Variants in PRDM15 observed in about 807,000 individuals in gnomAD.
PRDM15 encodes PR/SET domain 15.
PRDM15 carries 64 observed loss-of-function variants against 128.6 expected under a neutral mutation model. The ratio of observed to expected loss-of-function variants is 0.50; its 90% CI spans 0.41 to 0.61. The LOEUF is 0.61. Among genes scored for constraint, PRDM15 ranks in the 20% least tolerant of loss-of-function variants. PRDM15 has a pLI of 0.00. For missense variants in PRDM15, 1,242 were observed against 1,569.1 expected (o/e 0.79, Z 3.52); for synonymous variants, 615 against 621.8 (o/e 0.99, Z 0.16).
intron 22 of PRDM15, among the ~76,000 whole-genome samples, chr21:41,804,050 C>T (rs1050944637): frequency 2.0e-5 from 3 of 151,318 alleles, no homozygotes; most frequent in African/African-American, 7.3e-5. Context: ...TTGCAACCTC[C>T]GCCCCTGGGT....
chr21:41,819,883 T>A, intron 17 of PRDM15, 182 bp from the exon 18 acceptor site: 1 of 824,606 alleles, frequency 1.2e-6, no homozygotes. Context: ...CTCCAGTAGA[T>A]CCCTGAGGAC....
At position 41,836,253 on chromosome 21, in the gene PRDM15, T is replaced by C. The variant is rs753022896; in HGVS notation, c.1184-46A>G. On this transcript the variant is annotated intron_variant, in intron 9 of 23. Coordinates refer to ENST00000398548, the MANE Select transcript of PRDM15 (RefSeq NM_001040424.3). ...GAGCTCATTCACTACTTAGAGCATT[T>C]ACCGAGAGAAGCATGCCCACCGGGG... 4 of 1,548,134 alleles carry C rather than the reference T, an allele frequency of 2.6e-6. No individual in the cohort carries two copies. The South Asian group carries it at 4.5e-5, about 17-fold the overall frequency.
At chr21:41,827,288 T>C (rs561165832) in intron 12 of PRDM15, among the ~76,000 whole-genome samples, 3 of 152,326 alleles carry the variant, frequency 2.0e-5, no homozygotes, top group African/African-American at 7.2e-5. Flanking sequence ...AATTCCAGCC[T>C]TGTTTTTTTA....
intron 19 of PRDM15, among the ~76,000 whole-genome samples, chr21:41,815,222 T>C (rs2062010032): frequency 6.6e-6 from 1 of 152,226 alleles, no homozygotes; most frequent in Admixed American, 6.5e-5. Context: ...CCGACTCCTT[T>C]CTATGCACAT....
chr21:41,829,066 TACACACACCAC>T (rs2062584402), intron 11 of PRDM15, among the ~76,000 whole-genome samples: 1 of 103,400 alleles, frequency 9.7e-6, no homozygotes, highest in South Asian at 3.4e-4. Flanking sequence ...ACACACACCA[TACACACACCAC>T]ACACACACGC....
At chr21:41,847,760 A>C (rs1413837957) in intron 5 of PRDM15, among the ~76,000 whole-genome samples, 1 of 152,176 alleles carries the variant, frequency 6.6e-6, no homozygotes, top group East Asian at 1.9e-4. Flanking sequence ...TAAGTGTTTA[A>C]TTTTACTAAG....
chr21:41,858,560 G>A (rs548134793), intron 3 of PRDM15, among the ~76,000 whole-genome samples: 163 of 150,758 alleles, frequency 1.1e-3, no homozygotes, highest in South Asian at 3.6e-3. Flanking sequence ...AGGCCTCTCC[G>A]ACAGAGGCGG....
chr21:41,801,744 A>G, intron 23 of PRDM15, 22 bp from the exon 24 acceptor site: 1 of 1,596,918 alleles, frequency 6.3e-7, no homozygotes, highest in Non-Finnish European at 8.6e-7. Context: ...ACACACAACA[A>G]AAATCCGTTC....
Position 41,860,360 on chromosome 21 carries a change from C to T in PRDM15, c.4G>A (p.Ala2Thr), listed in dbSNP as rs929796453. Residue 2 changes from alanine to threonine, a missense_variant, in exon 2 of 24, where the codon GCT (alanine) becomes ACT (threonine). By Grantham distance (58) the Ala-to-Thr change is moderately conservative. Around this residue, in one of 3 missense-constraint regions of PRDM15, gnomAD observed 612 missense variants for 717.0 expected, o/e 0.85. Coordinates refer to ENST00000398548, the MANE Select transcript of PRDM15 (RefSeq NM_001040424.3). ...ATGATCTCTTCGCTCCCATCTTCAGCCATCTCTGACACCTGTCAGGATACA... is the reference window on the plus strand; with the variant it reads ...ATGATCTCTTCGCTCCCATCTTCAGTCATCTCTGACACCTGTCAGGATACA... M[A>T]EDGSEEIMFI... is the part of the protein sequence containing the mutation. 7.4e-6 allele frequency: 12 copies of T among 1,613,750 alleles called. No individual in the cohort carries two copies. The Admixed American group carries it at 8.3e-5, about 11-fold the overall frequency.
intron 6 of PRDM15, among the ~76,000 whole-genome samples, chr21:41,841,402 A>C (rs894413593): frequency 1.3e-5 from 2 of 152,254 alleles, no homozygotes; most frequent in African/African-American, 4.8e-5. Context: ...CCCAAAATTC[A>C]ATATCCGGTG....
intron 17 of PRDM15, 114 bp downstream of exon 17, chr21:41,819,981 G>A (rs1219803089): frequency 5.5e-6 from 5 of 905,162 alleles, no homozygotes; most frequent in Non-Finnish European, 8.7e-6. Flanking sequence ...AGGAAGGCAT[G>A]GGGGAGGCAA....
In PRDM15 at chr21:41,815,844, G is replaced by A; in HGVS notation, c.2261-8C>T. ...CGTGCTTGGTCTTCATGCCTTCAAGGACACAGCGAGTCAGAGGCGGCCACA... is the reference window on the plus strand; with the variant it reads ...CGTGCTTGGTCTTCATGCCTTCAAGAACACAGCGAGTCAGAGGCGGCCACA... On this transcript the variant is annotated splice_polypyrimidine_tract_variant and splice_region_variant and intron_variant, in intron 18 of 23. Coordinates refer to ENST00000398548, the MANE Select transcript of PRDM15 (RefSeq NM_001040424.3). 5 of 1,612,540 alleles carry A rather than the reference G, an allele frequency of 3.1e-6. No homozygotes were observed. The highest frequency in any genetic ancestry group is 3.4e-6 in the Non-Finnish European group (4 of 1,179,792).
chr21:41,848,368 A>T (rs1036928084), intron 5 of PRDM15, among the ~76,000 whole-genome samples: 2 of 152,224 alleles, frequency 1.3e-5, no homozygotes, highest in Non-Finnish European at 2.9e-5. Context: ...GCAATATGAA[A>T]TTTTTTGTCA....
At chr21:41,827,897 T>A (rs145882508) in intron 12 of PRDM15, among the ~76,000 whole-genome samples, 9 of 152,306 alleles carry the variant, frequency 5.9e-5, no homozygotes, top group African/African-American at 1.9e-4. Flanking sequence ...CCAGTTTTCT[T>A]AGCTCCTTCC....
chr21:41,872,624 G>A (rs559322130), intron 1 of PRDM15, among the ~76,000 whole-genome samples: 4 of 152,218 alleles, frequency 2.6e-5, no homozygotes, highest in South Asian at 4.1e-4. Flanking sequence ...GGGAATAAGC[G>A]TATCCATCAT....
rs998425312 is a variant in PRDM15, at chr21:41,862,404, C to A, written c.-9-2032G>T. 1.3e-5 allele frequency among the ~76,000 whole-genome samples: 2 copies of A among 152,156 alleles called. No homozygotes were observed. The highest frequency in any genetic ancestry group is 2.4e-5 in the African/African-American group (1 of 41,426). On this transcript the variant is annotated intron_variant, in intron 1 of 23. Transcript: ENST00000398548. This position sits in a 1 kb window ranked among gnomAD's most constrained non-coding sequence, Gnocchi z 4.1. ...TGTGGCCGCCTCTCCCCGGGGCAGA[C>A]CTTGCCTCTGGCCTACACCTCTCAC...
chr21:41,836,410 A>G (rs1601306525), intron 9 of PRDM15, 58 bp downstream of exon 9: 1 of 1,540,468 alleles, frequency 6.5e-7, no homozygotes. Flanking sequence ...CTGTCCTCCC[A>G]CCCCCAGCCC....
intron 18 of PRDM15, among the ~76,000 whole-genome samples, chr21:41,816,276 A>C (rs1312964601): frequency 1.3e-5 from 2 of 152,240 alleles, no homozygotes; most frequent in Non-Finnish European, 2.9e-5. Flanking sequence ...AGCCAATCTT[A>C]AGAAGCTGAA....
intron 18 of PRDM15, among the ~76,000 whole-genome samples, chr21:41,818,681 G>C (rs1361806642): frequency 1.3e-5 from 2 of 152,076 alleles, no homozygotes; most frequent in East Asian, 3.9e-4. Flanking sequence ...TGCAGCTCCT[G>C]TGTTTCCAAC....
Sources: allele counts gnomAD v4.1 joint callset (sites outside exome capture counted in the v4.1 genomes callset), GRCh38; gene constraint gnomAD v4.1.1; regional missense constraint gnomAD v4.1.1; non-coding constraint Gnocchi (gnomAD v3.1); transcripts MANE v1.5; gene names NCBI Gene and HGNC (gene_info 2026-07-23, HGNC 2026-07-21).